RASAL2: variants seen among roughly 807,000 people sequenced by gnomAD.
The protein encoded by RASAL2 is RAS protein activator like 2.
A neutral mutation model predicts 128.9 loss-of-function variants in RASAL2; 58 were observed. The observed-to-expected ratio is 0.45, with a 90% CI of 0.36 to 0.56. RASAL2 has a LOEUF of 0.56. Ranked by LOEUF, RASAL2 falls within the 20% of genes least tolerant of loss-of-function variation. RASAL2 has a pLI of 0.00. For missense variants in RASAL2, 1,360 were observed against 1,601.6 expected (o/e 0.85, Z 2.57); for synonymous variants, 561 against 580.8 (o/e 0.97, Z 0.49).
chr1:178,186,308 T>C (rs1001017334), intron 1 of RASAL2, among the ~76,000 whole-genome samples: 3 of 152,056 alleles, frequency 2.0e-5, no homozygotes, highest in Middle Eastern at 3.2e-3. Context: ...TCTATTTTGT[T>C]GATCTATTCA....
chr1:178,283,989 G>A (rs539628032), intron 2 of RASAL2, among the ~76,000 whole-genome samples: 14 of 152,260 alleles, frequency 9.2e-5, no homozygotes, highest in Non-Finnish European at 1.6e-4. Flanking sequence ...AAATGATCTC[G>A]AGGGGCCATT....
At chr1:178,204,968 C>T (rs1024610328) in intron 1 of RASAL2, among the ~76,000 whole-genome samples, 1 of 152,192 alleles carries the variant, frequency 6.6e-6, no homozygotes, top group Non-Finnish European at 1.5e-5. Context: ...ATTAGAATTA[C>T]TAGCTGAAAA....
At chr1:178,471,465 A>T (rs1648263140) in intron 17 of RASAL2, among the ~76,000 whole-genome samples, 1 of 152,170 alleles carries the variant, frequency 6.6e-6, no homozygotes, top group East Asian at 1.9e-4. Context: ...CCTTAAAATG[A>T]ATTACTTTCC....
At chr1:178,303,890 A>G (rs1180538822) in intron 3 of RASAL2, among the ~76,000 whole-genome samples, 1 of 152,172 alleles carries the variant, frequency 6.6e-6, no homozygotes, top group African/African-American at 2.4e-5. Context: ...CAAAACCGTT[A>G]AAACTAATCT....
chr1:178,296,864 G>T (rs953202073), intron 2 of RASAL2, among the ~76,000 whole-genome samples: 1 of 151,738 alleles, frequency 6.6e-6, no homozygotes. Flanking sequence ...TAGATATGGG[G>T]TTTCACCATG....
At chr1:178,408,549 C>A (rs61725727) in intron 4 of RASAL2, among the ~76,000 whole-genome samples, 5,773 of 151,644 alleles carry the variant, frequency 0.038, 361 homozygotes, top group African/African-American at 0.13. Context: ...AAGTCAAATG[C>A]CACAATAGTA....
intron 3 of RASAL2, among the ~76,000 whole-genome samples, chr1:178,386,903 CTTAGAG>C (rs1235810136): frequency 2.0e-5 from 3 of 152,172 alleles, no homozygotes; most frequent in African/African-American, 7.2e-5. Context: ...AAATGTAGCT[CTTAGAG>C]CATAGTAGCA....
chr1:178,258,839 A>G (rs1665512534), intron 1 of RASAL2, among the ~76,000 whole-genome samples: 2 of 152,246 alleles, frequency 1.3e-5, no homozygotes, highest in African/African-American at 4.8e-5. Flanking sequence ...CATAAGTGCC[A>G]AAAGGTGGAA....
At chr1:178,414,656 T>C (rs1674637686) in intron 4 of RASAL2, among the ~76,000 whole-genome samples, 1 of 152,182 alleles carries the variant, frequency 6.6e-6, no homozygotes, top group African/African-American at 2.4e-5. Context: ...TCTTCTATCT[T>C]CTGAAAGACA....
intron 3 of RASAL2, among the ~76,000 whole-genome samples, chr1:178,311,253 AACACACACAC>A (rs67243509): frequency 4.2e-5 from 6 of 143,706 alleles, no homozygotes; most frequent in East Asian, 2.0e-4. Flanking sequence ...CACACACACA[AACACACACAC>A]ACACACACAC....
intron 1 of RASAL2, among the ~76,000 whole-genome samples, chr1:178,222,459 G>A (rs1427420577): frequency 1.3e-5 from 2 of 151,630 alleles, no homozygotes; most frequent in African/African-American, 2.4e-5. Flanking sequence ...ATACATTTAC[G>A]ATTAATTCAA....
intron 1 of RASAL2, among the ~76,000 whole-genome samples, chr1:178,195,035 A>C (rs1662613369): frequency 6.6e-6 from 1 of 152,180 alleles, no homozygotes; most frequent in Non-Finnish European, 1.5e-5. Flanking sequence ...TTCCTCATTT[A>C]CTTTAAAACC....
rs7543840 is a variant in RASAL2 at position 178,295,600 on chromosome 1, G to A, written c.331-4392G>A. 8.1e-3 allele frequency among the ~76,000 whole-genome samples: 1,240 copies of A among 152,174 alleles called. 18 individuals carry two copies. The highest frequency in any genetic ancestry group is 0.028 in the African/African-American group (1,168 of 41,520). On this transcript the variant is annotated intron_variant, in intron 2 of 17. Coordinates refer to ENST00000367649, the MANE Select transcript of RASAL2 (RefSeq NM_170692.4). ...AAACAACACCTTAAGGCAGTGGTTC[G>A]CAACCTTAGTGAGCATCAGAATCAG...
At chr1:178,465,486 A>G (rs1647577298) in intron 15 of RASAL2, among the ~76,000 whole-genome samples, 1 of 152,168 alleles carries the variant, frequency 6.6e-6, no homozygotes, top group African/African-American at 2.4e-5. Context: ...TTTTTCTCTT[A>G]TAGACAACTG....
chr1:178,357,350 CTT>C (rs1385120161), intron 3 of RASAL2, among the ~76,000 whole-genome samples: 1 of 134,672 alleles, frequency 7.4e-6, no homozygotes. Flanking sequence ...TGTTTCAGTG[CTT>C]TTTTTTTTTT....
At chr1:178,235,667 T>C (rs1664202162) in intron 1 of RASAL2, among the ~76,000 whole-genome samples, 1 of 152,142 alleles carries the variant, frequency 6.6e-6, no homozygotes, top group Non-Finnish European at 1.5e-5. Flanking sequence ...GATTAAGCTC[T>C]TAAGACTGAA....
At chr1:178,453,237 A>G (rs964278860) in intron 11 of RASAL2, among the ~76,000 whole-genome samples, 24 of 152,188 alleles carry the variant, frequency 1.6e-4, no homozygotes, top group South Asian at 1.2e-3. Context: ...CAATGGGTGG[A>G]ATTTAAATAT....
chr1:178,397,923 A>G (rs1673353854), intron 4 of RASAL2, among the ~76,000 whole-genome samples: 2 of 151,986 alleles, frequency 1.3e-5, no homozygotes, highest in African/African-American at 4.8e-5. Context: ...GCAGAGTTGC[A>G]CACTTTAAAA....
chr1:178,441,485 C>A, intron 6 of RASAL2, 64 bp from the exon 7 acceptor site: 1 of 1,167,818 alleles, frequency 8.6e-7, no homozygotes, highest in Non-Finnish European at 1.3e-6. Context: ...ATGCTGTGAA[C>A]CCTAATGACA....
Sources: gnomAD v4.1 joint callset for allele counts (sites outside exome capture counted in the v4.1 genomes callset) on GRCh38, gnomAD v4.1.1 for gene constraint, MANE v1.5 for transcripts, NCBI Gene and HGNC (gene_info 2026-07-23, HGNC 2026-07-21) for gene names.